Variants in ATP6V1D observed in about 807,000 individuals in gnomAD.
ATP6V1D encodes the protein V-type proton ATPase subunit D.
In ATP6V1D, 20 loss-of-function variants were observed where a neutral mutation model predicts 39.4. The observed-to-expected ratio is 0.51, with a 90% CI of 0.36 to 0.74. ATP6V1D has a LOEUF of 0.74. ATP6V1D is among the 30% of genes least tolerant of loss of function. The probability of loss-of-function intolerance (pLI) is 0.00; values close to 1 mark genes in which losing one functional copy is unlikely to be tolerated. For missense variants in ATP6V1D, 228 were observed against 291.6 expected, an observed-to-expected ratio of 0.78 and a Z score of 1.59; for synonymous variants, 100 against 100.5, an observed-to-expected ratio of 0.99 and a Z score of 0.03.
At chr14:67,344,560 T>C (rs1315045993) in intron 6 of ATP6V1D, among the ~76,000 whole-genome samples, 1 of 152,136 alleles carries the variant, frequency 6.6e-6, no homozygotes, top group Non-Finnish European at 1.5e-5. Flanking sequence ...AAATCTAGTA[T>C]CAACTTGCTA....
At chr14:67,350,519 C>T (rs755766917) in intron 3 of ATP6V1D, 92 bp downstream of exon 3, 13 of 1,130,486 alleles carry the variant, frequency 1.1e-5, no homozygotes, top group African/African-American at 1.6e-5. Flanking sequence ...GTCCTTAACG[C>T]TTATTTCTAA....
At chr14:67,345,994 G>C (rs771886053) in intron 5 of ATP6V1D, 123 bp from the exon 6 acceptor site, 334 of 663,174 alleles carry the variant, frequency 5.0e-4, no homozygotes, top group Non-Finnish European at 8.0e-4. Context: ...AATCTTCATT[G>C]AATGTAAACA....
intron 8 of ATP6V1D, 72 bp downstream of exon 8, chr14:67,340,368 A>T: frequency 7.8e-7 from 1 of 1,282,594 alleles, no homozygotes; most frequent in East Asian, 2.3e-5. Flanking sequence ...TAAACCAACA[A>T]GTCATTCAGC....
intron 6 of ATP6V1D, among the ~76,000 whole-genome samples, chr14:67,344,992 A>C (rs2085610496): frequency 6.6e-6 from 1 of 152,172 alleles, no homozygotes; most frequent in African/African-American, 2.4e-5. Context: ...CTATAATCCC[A>C]GCACTTTGGA....
chr14:67,344,732 A>G (rs1364636824), intron 6 of ATP6V1D, among the ~76,000 whole-genome samples: 2 of 151,358 alleles, frequency 1.3e-5, no homozygotes, highest in African/African-American at 4.9e-5. Flanking sequence ...ATTCAAAAAT[A>G]TTATCCAGGC....
At position 67,359,649 on chromosome 14, in the gene ATP6V1D, T is replaced by C; in HGVS notation, c.41+9A>G. On this transcript the variant is annotated intron_variant, in intron 1 of 8. Coordinates refer to ENST00000216442, the MANE Select transcript of ATP6V1D (RefSeq NM_015994.4). The stretch of plus-strand genomic sequence containing the variant: ...CTGTGAAAGCGGCTTATCCCATTCC[T>C]TTACTTACATTCGCGAGGGAAAGAT... 2 of 1,614,066 alleles carry C rather than the reference T, an allele frequency of 1.2e-6. No homozygotes were observed. The highest frequency in any genetic ancestry group is 1.1e-5 in the South Asian group (1 of 91,082).
chr14:67,352,879 G>A, intron 2 of ATP6V1D, 44 bp downstream of exon 2: 1 of 1,376,918 alleles, frequency 7.3e-7, no homozygotes, highest in African/African-American at 1.5e-5. Context: ...GGCCATGCTG[G>A]ATTTTTCTAA....
chr14:67,351,911 C>CAAAAAAAAAAAAAAAA (rs758907410), intron 2 of ATP6V1D, among the ~76,000 whole-genome samples: 16 of 128,066 alleles, frequency 1.2e-4, no homozygotes, highest in Admixed American at 3.2e-4. Context: ...GAACCTCTAC[C>CAAAAAAAAAAAAAAAA]AAAAAAAAAA....
chr14:67,342,557 CTTTT>C (rs767148771), intron 7 of ATP6V1D, among the ~76,000 whole-genome samples: 1 of 136,988 alleles, frequency 7.3e-6, no homozygotes, highest in Non-Finnish European at 1.6e-5. Context: ...ACGAATTATC[CTTTT>C]TTTTTTTTTT....
intron 1 of ATP6V1D, among the ~76,000 whole-genome samples, chr14:67,354,498 C>T (rs550145930): frequency 2.0e-5 from 3 of 152,166 alleles, no homozygotes; most frequent in East Asian, 3.9e-4. Context: ...TACAAAAACA[C>T]GTGCAAGGTT....
At chr14:67,345,589 A>G (rs2085614474) in intron 6 of ATP6V1D, among the ~76,000 whole-genome samples, 179 bp downstream of exon 6, 1 of 152,152 alleles carries the variant, frequency 6.6e-6, no homozygotes, top group Non-Finnish European at 1.5e-5. Context: ...TTTAAAAAGT[A>G]GGGACAATGG....
At position 67,352,980 on chromosome 14, in the gene ATP6V1D, C is replaced by T; in HGVS notation, c.102G>A (p.Lys34=). 6.2e-7 allele frequency: 1 copy of T among 1,613,874 alleles called. No individual in the cohort carries two copies. Among genetic ancestry groups the T allele is most frequent in the Non-Finnish European group, 8.5e-7 (1 of 1,179,922 alleles). Residue 34 remains lysine (K), a synonymous_variant, in exon 2 of 9, where the codon AAG becomes AAA. Transcript: ENST00000216442. The stretch of plus-strand genomic sequence containing the variant: ...GAAGAGTTAAGGCATCAGATTTTTT[C>T]TTCAGGAGGTTTCGACCTGTCTGTG... ...KGAQTGRNLL[K]KKSDALTLRF...
intron 2 of ATP6V1D, 139 bp from the exon 3 acceptor site, chr14:67,350,829 A>G (rs570657763): frequency 2.7e-4 from 209 of 769,714 alleles, no homozygotes; most frequent in Admixed American, 2.9e-4. Context: ...CGACAAACAG[A>G]AATTTCCAAT....
In ATP6V1D at chr14:67,338,686, C is replaced by T. The variant is rs572349725; in HGVS notation, c.679G>A (p.Gly227Arg). The T allele has an allele frequency of 2.5e-6, 4 of 1,614,036 alleles. No individual in the cohort carries two copies. Among genetic ancestry groups the T allele is most frequent in the East Asian group, 2.2e-5 (1 of 44,878 alleles). ...AGATTAGCAGGCTCCAACACCTCTC[C>T]AGCTGCTCTCCTTTGCTCCAAGTCC... is the stretch of plus-strand genomic sequence containing the variant. ...EKDLEQRRAA[G>R]EVLEPANLLA... The change falls in exon 9 of 9, where the codon GGA (glycine) becomes AGA (arginine). Residue 227 changes from glycine (G) to arginine (R), a missense_variant. Physicochemically the swap from Gly to Arg is moderately radical, Grantham distance 125. Around this residue, in one of 3 missense-constraint regions of ATP6V1D, gnomAD observed 114 missense variants for 128.3 expected, o/e 0.89. Transcript: ENST00000216442.
intron 1 of ATP6V1D, among the ~76,000 whole-genome samples, chr14:67,354,524 C>G (rs1465901859): frequency 6.6e-6 from 1 of 152,138 alleles, no homozygotes; most frequent in Non-Finnish European, 1.5e-5. Flanking sequence ...GATGGGTACT[C>G]CAGCCTTATG....
chr14:67,345,806 T>C lies in ATP6V1D; in HGVS notation c.418A>G (p.Lys140Glu), dbSNP rs771183488. 6.8e-6 allele frequency: 11 copies of C among 1,614,052 alleles called. No individual in the cohort carries two copies. Among genetic ancestry groups the C allele is most frequent in the Non-Finnish European group, 9.3e-6 (11 of 1,180,024 alleles). ...AGTTCCACCAGTAGTTCCACTGCTT[T>C]GGCATAATTCCTCTTTAATTTAGCC... is the stretch of plus-strand genomic sequence containing the variant. ...QLAKLKRNYA[K>E]AVELLVELAS... The change falls in exon 6 of 9, where the codon AAA (lysine) becomes GAA (glutamate). Residue 140 changes from lysine (K) to glutamate (E), a missense_variant. Lys to Glu is a moderately conservative substitution (Grantham distance 56, BLOSUM62 1). This residue lies in a region of ATP6V1D where 114 missense variants were observed against 128.3 expected (regional missense o/e 0.89). Coordinates refer to ENST00000216442, the MANE Select transcript of ATP6V1D (RefSeq NM_015994.4).
At chr14:67,343,579 T>G in intron 6 of ATP6V1D, 141 bp from the exon 7 acceptor site, 1 of 630,688 alleles carries the variant, frequency 1.6e-6, no homozygotes. Flanking sequence ...AAAACAAAAT[T>G]CTTAGGCTGG....
At chr14:67,349,390 T>G (rs1295509159) in intron 3 of ATP6V1D, among the ~76,000 whole-genome samples, 3 of 152,218 alleles carry the variant, frequency 2.0e-5, no homozygotes, top group African/African-American at 7.2e-5. Context: ...GTGTGCTACA[T>G]GGATATAACT....
chr14:67,358,737 G>C (rs1226337496), intron 1 of ATP6V1D, among the ~76,000 whole-genome samples: 1 of 152,156 alleles, frequency 6.6e-6, no homozygotes, highest in Non-Finnish European at 1.5e-5. Context: ...AACAGGATGA[G>C]GAGGAGAAAG....
Sources: gnomAD v4.1 joint callset for allele counts (sites outside exome capture counted in the v4.1 genomes callset) on GRCh38, gnomAD v4.1.1 for gene constraint, gnomAD v4.1.1 regional missense constraint, MANE v1.5 for transcripts, NCBI Gene and HGNC (gene_info 2026-07-23, HGNC 2026-07-21) for gene names.